The following GRM5 variants were observed in gnomAD, a reference collection of about 807,000 sequenced individuals.
GRM5 encodes metabotropic glutamate receptor 5.
Under a neutral mutation model 83.1 loss-of-function variants are expected in GRM5, and 19 were observed. The ratio of observed to expected loss-of-function variants is 0.23; its 90% CI spans 0.16 to 0.34. The LOEUF (loss-of-function observed/expected upper bound fraction) is 0.34, where lower values mean the gene tolerates loss of function less well. Among genes scored for constraint, GRM5 ranks in the 10% least tolerant of loss-of-function variants. The pLI is 1.00. For missense variants in GRM5, 1,160 were observed against 1,588.3 expected, an observed-to-expected ratio of 0.73 and a Z score of 4.58; for synonymous variants, 675 against 633.6, an observed-to-expected ratio of 1.07 and a Z score of -0.98.
At chr11:88,919,691 A>G in intron 2 of GRM5, among the ~76,000 whole-genome samples, 1 of 152,084 alleles carries the variant, frequency 6.6e-6, no homozygotes, top group East Asian at 1.9e-4. Context: ...ATGAGATCAT[A>G]TCAAGTGTTT....
chr11:88,725,378 G>T (rs1941652506), intron 3 of GRM5, among the ~76,000 whole-genome samples: 1 of 152,180 alleles, frequency 6.6e-6, no homozygotes, highest in African/African-American at 2.4e-5. Flanking sequence ...AAAGGCAGCA[G>T]CCCCAGTCAG....
chr11:88,655,612 A>G (rs1227556143), intron 3 of GRM5, among the ~76,000 whole-genome samples: 1 of 151,892 alleles, frequency 6.6e-6, no homozygotes, highest in Non-Finnish European at 1.5e-5. Flanking sequence ...TATTTCCATA[A>G]AAGAAAACTG....
intron 3 of GRM5, among the ~76,000 whole-genome samples, chr11:88,672,128 A>C (rs1940211430): frequency 6.6e-6 from 1 of 152,012 alleles, no homozygotes; most frequent in South Asian, 2.1e-4. Flanking sequence ...CTTGGCCATC[A>C]CTTTTTCAAA....
chr11:88,673,846 T>C (rs1940252607), intron 3 of GRM5, among the ~76,000 whole-genome samples: 1 of 151,330 alleles, frequency 6.6e-6, no homozygotes, highest in South Asian at 2.1e-4. Flanking sequence ...AAATGGTTCA[T>C]AGTTCAGTAT....
In GRM5 at chr11:88,567,233, A is replaced by T; in HGVS notation, c.2450T>A (p.Met817Lys). The change falls in exon 8 of 10, where the codon ATG (methionine) becomes AAG (lysine). Residue 817 changes from methionine to lysine, a missense_variant. Coordinates refer to ENST00000305447, the MANE Select transcript of GRM5 (RefSeq NM_001143831.3). This position sits in a 1 kb window ranked among gnomAD's most constrained non-coding sequence, Gnocchi z 7.3. The stretch of plus-strand genomic sequence containing the variant: ...GATGATGTACACCTTCGGCACAAAC[A>T]TGCAGCCTAGGGCCACTGTGGCACT... ...SLSATVALGCMFVPKVYIILA... is the reference protein window; with the variant it reads ...SLSATVALGCKFVPKVYIILA... 6.2e-7 allele frequency: 1 copy of T among 1,614,138 alleles called. No homozygotes were observed. The highest frequency in any genetic ancestry group is 8.5e-7 in the Non-Finnish European group (1 of 1,179,990).
At chr11:88,801,472 T>C (rs972184036) in intron 3 of GRM5, among the ~76,000 whole-genome samples, 15 of 152,304 alleles carry the variant, frequency 9.8e-5, no homozygotes, top group East Asian at 3.9e-4. Context: ...AAATGTTAAA[T>C]TCCATATTGC....
At chr11:88,708,168 A>T (rs564701522) in intron 3 of GRM5, among the ~76,000 whole-genome samples, 3 of 152,230 alleles carry the variant, frequency 2.0e-5, no homozygotes, top group Middle Eastern at 3.4e-3. Flanking sequence ...ATGACAAGAA[A>T]AGAGTGATTA....
chr11:88,703,191 C>T (rs1413605931), intron 3 of GRM5, among the ~76,000 whole-genome samples: 1 of 151,960 alleles, frequency 6.6e-6, no homozygotes, highest in East Asian at 1.9e-4. Context: ...CCCCAGATAA[C>T]CCCTTTCTGT....
intron 3 of GRM5, among the ~76,000 whole-genome samples, chr11:88,777,555 TC>T (rs1395375182): frequency 6.6e-6 from 1 of 152,252 alleles, no homozygotes; most frequent in Non-Finnish European, 1.5e-5. Flanking sequence ...CTCCAGTTTC[TC>T]CCCATCTTTG....
intron 8 of GRM5, among the ~76,000 whole-genome samples, chr11:88,557,671 G>A (rs1341147096): frequency 1.3e-5 from 2 of 151,492 alleles, no homozygotes; most frequent in Non-Finnish European, 2.9e-5. Flanking sequence ...CACACACCAT[G>A]TTGTTTCATA....
At chr11:88,983,339 A>G (rs1220365099) in intron 2 of GRM5, among the ~76,000 whole-genome samples, 2 of 152,222 alleles carry the variant, frequency 1.3e-5, no homozygotes, top group African/African-American at 2.4e-5. Flanking sequence ...GCACCTAAAG[A>G]GTTCATGTGC....
chr11:89,029,089 T>A (rs1941198236), intron 2 of GRM5, among the ~76,000 whole-genome samples: 2 of 152,242 alleles, frequency 1.3e-5, no homozygotes, highest in Admixed American at 1.3e-4. Context: ...GCATCATCCA[T>A]GTCCCTGCAA....
chr11:88,992,236 C>T (rs1940002852), intron 2 of GRM5, among the ~76,000 whole-genome samples: 1 of 152,198 alleles, frequency 6.6e-6, no homozygotes, highest in Non-Finnish European at 1.5e-5. Flanking sequence ...CAAAAGAAGA[C>T]ATTTATGCAG....
intron 5 of GRM5, among the ~76,000 whole-genome samples, chr11:88,597,988 T>TA (rs1267218819): frequency 6.6e-6 from 1 of 152,128 alleles, no homozygotes; most frequent in Admixed American, 6.5e-5. Context: ...AGTATGTGGA[T>TA]AGAAATGTAA....
chr11:88,734,678 G>T (rs940818382), intron 3 of GRM5, among the ~76,000 whole-genome samples: 5 of 151,932 alleles, frequency 3.3e-5, no homozygotes, highest in African/African-American at 1.2e-4. Context: ...TAACTTTTTA[G>T]ATTACAGAAT....
chr11:88,536,522 C>A (rs1392821921), intron 8 of GRM5, among the ~76,000 whole-genome samples: 1 of 152,166 alleles, frequency 6.6e-6, no homozygotes, highest in Non-Finnish European at 1.5e-5. Context: ...TTAATCTTGA[C>A]TTTGCTGTAG....
At chr11:88,732,472 G>T (rs1328432683) in intron 3 of GRM5, among the ~76,000 whole-genome samples, 1 of 152,040 alleles carries the variant, frequency 6.6e-6, no homozygotes, top group African/African-American at 2.4e-5. Flanking sequence ...CACACACTGT[G>T]CTGGGCACGA....
At chr11:88,559,638 C>G (rs1335429876) in intron 8 of GRM5, among the ~76,000 whole-genome samples, 1 of 152,188 alleles carries the variant, frequency 6.6e-6, no homozygotes, top group Non-Finnish European at 1.5e-5. Context: ...TGTTCACTGG[C>G]AAATGCCAGT....
In GRM5 at chr11:88,602,626, T is replaced by C. The variant is rs1214367021; in HGVS notation, c.1394+2092A>G. On this transcript the variant is annotated intron_variant, in intron 5 of 9. Coordinates refer to ENST00000305447, the MANE Select transcript of GRM5 (RefSeq NM_001143831.3). ...ACAAATAAGTTTTCTCAGAATATAG[T>C]GTCTTTAAAATTTTGATCCTGGTTG... is the stretch of plus-strand genomic sequence containing the variant. Among the ~76,000 whole-genome samples, 3 of 152,366 alleles carry C rather than the reference T, an allele frequency of 2.0e-5. No individual in the cohort carries two copies. In the East Asian group the frequency reaches 5.8e-4, roughly 29 times the overall value.
Sources: gnomAD v4.1 joint callset for allele counts (sites outside exome capture counted in the v4.1 genomes callset) on GRCh38, gnomAD v4.1.1 for gene constraint, Gnocchi (gnomAD v3.1) non-coding constraint, MANE v1.5 for transcripts, NCBI Gene and HGNC (gene_info 2026-07-23, HGNC 2026-07-21) for gene names.